Variants in FBXL20 observed in about 807,000 individuals in gnomAD.
FBXL20 encodes the protein F-box and leucine rich repeat protein 20, also known as F-box/LRR-repeat protein 20.
FBXL20 carries 11 observed loss-of-function variants against 64.0 expected under a neutral mutation model. The ratio of observed to expected loss-of-function variants is 0.17; its 90% CI spans 0.11 to 0.28. FBXL20 has a LOEUF of 0.28. Ranked by LOEUF, FBXL20 falls within the 10% of genes least tolerant of loss-of-function variation. FBXL20 has a pLI of 1.00. For missense variants in FBXL20, 303 were observed against 526.2 expected, an observed-to-expected ratio of 0.58 and a Z score of 4.15; for synonymous variants, 184 against 189.0, an observed-to-expected ratio of 0.97 and a Z score of 0.22.
At chr17:39,337,552 C>G (rs1356952309) in intron 2 of FBXL20, among the ~76,000 whole-genome samples, 1 of 151,754 alleles carries the variant, frequency 6.6e-6, no homozygotes, top group African/African-American at 2.4e-5. Context: ...GCGCCTCTGC[C>G]CCGCCGCCCC....
At chr17:39,397,203 G>C (rs2048192754) in intron 1 of FBXL20, among the ~76,000 whole-genome samples, 1 of 152,048 alleles carries the variant, frequency 6.6e-6, no homozygotes, top group Non-Finnish European at 1.5e-5. Flanking sequence ...ACCATGCCCA[G>C]CCAGATTTTT....
intron 1 of FBXL20, among the ~76,000 whole-genome samples, chr17:39,352,871 A>C (rs1597814540): frequency 1.3e-5 from 2 of 152,174 alleles, no homozygotes; most frequent in African/African-American, 4.8e-5. Context: ...TGTGGAAAGA[A>C]GACTATTTCT....
At chr17:39,321,210 T>C (rs1429490058) in intron 2 of FBXL20, among the ~76,000 whole-genome samples, 7 of 152,138 alleles carry the variant, frequency 4.6e-5, no homozygotes, top group Admixed American at 3.9e-4. Context: ...TCCCAGCACT[T>C]TGGGAGGCCA....
At chr17:39,268,802 T>A in intron 12 of FBXL20, 25 bp downstream of exon 12, 1 of 1,600,806 alleles carries the variant, frequency 6.2e-7, no homozygotes, top group East Asian at 2.2e-5. Context: ...ATACTGTATT[T>A]CTGAATTAAA....
intron 2 of FBXL20, among the ~76,000 whole-genome samples, chr17:39,311,176 CA>C (rs1009456786): frequency 1.3e-5 from 2 of 151,794 alleles, no homozygotes; most frequent in Non-Finnish European, 2.9e-5. Context: ...AAAAAACAAA[CA>C]AAAAAACAAA....
In FBXL20 at chr17:39,254,411, G is replaced by A. The variant is rs1186239124; in HGVS notation, c.*7049C>T. The A allele has an allele frequency of 6.6e-6, 1 of 152,374 alleles. No homozygotes were observed. Among genetic ancestry groups the A allele is most frequent in the East Asian group, 1.9e-4 (1 of 5,330 alleles). The allele number at this position is 152,374 out of a possible 1,614,324, so 9.4% of individuals were successfully genotyped here. On this transcript the variant is annotated 3_prime_UTR_variant, in exon 15 of 15. Coordinates refer to ENST00000264658, the MANE Select transcript of FBXL20 (RefSeq NM_032875.3). ...CTTCAAAGATGATCCTTGGTTCTTGGGGCATGACAGAAGAGAAAAGGTAAA... is the reference window on the plus strand; with the variant it reads ...CTTCAAAGATGATCCTTGGTTCTTGAGGCATGACAGAAGAGAAAAGGTAAA...
intron 14 of FBXL20, among the ~76,000 whole-genome samples, chr17:39,262,269 C>T (rs1437234912): frequency 6.6e-6 from 1 of 151,980 alleles, no homozygotes; most frequent in Non-Finnish European, 1.5e-5. Flanking sequence ...ATGTGGCCAA[C>T]GTGGATTTTT....
intron 1 of FBXL20, among the ~76,000 whole-genome samples, chr17:39,344,218 G>A (rs1428952150): frequency 2.0e-5 from 3 of 151,942 alleles, no homozygotes; most frequent in Non-Finnish European, 2.9e-5. Flanking sequence ...AGGCGTGGTG[G>A]TGTGCGTCTG....
chr17:39,399,450 G>A (rs2048219301), intron 1 of FBXL20, among the ~76,000 whole-genome samples: 1 of 152,194 alleles, frequency 6.6e-6, no homozygotes, highest in African/African-American at 2.4e-5. Flanking sequence ...GGTCAATAAA[G>A]AGGTAAATGG....
chr17:39,396,596 CAAAAA>C (rs35394824), intron 1 of FBXL20, among the ~76,000 whole-genome samples: 1 of 103,202 alleles, frequency 9.7e-6, no homozygotes. Flanking sequence ...AACTCCGTCT[CAAAAA>C]AAAAAAAAAA....
At chr17:39,317,115 A>G (rs547924632) in intron 2 of FBXL20, among the ~76,000 whole-genome samples, 4 of 152,238 alleles carry the variant, frequency 2.6e-5, no homozygotes, top group Non-Finnish European at 5.9e-5. Context: ...AATGTCCAAT[A>G]TATGAATTGA....
chr17:39,349,149 G>A (rs987310072), intron 1 of FBXL20, among the ~76,000 whole-genome samples: 1 of 151,852 alleles, frequency 6.6e-6, no homozygotes, highest in African/African-American at 2.4e-5. Flanking sequence ...CTACTTGGGA[G>A]GCTGAAGCAG....
rs564533302 is a variant in FBXL20, at chr17:39,321,398, G to C, written c.105-17759C>G. ...AACCTGGGAGTTGAACCCAGGAGTT[G>C]GAGGTTGCAGTGAGCCAAGATTGCA... On this transcript the variant is annotated intron_variant, in intron 2 of 14. Coordinates refer to ENST00000264658, the MANE Select transcript of FBXL20 (RefSeq NM_032875.3). 9.3e-5 allele frequency among the ~76,000 whole-genome samples: 14 copies of C among 151,312 alleles called. No individual in the cohort carries two copies. In the South Asian group the frequency reaches 2.9e-3, roughly 32 times the overall value.
intron 2 of FBXL20, among the ~76,000 whole-genome samples, chr17:39,338,553 TAAACGAAAA>T (rs2047551639): frequency 6.6e-6 from 1 of 151,634 alleles, no homozygotes; most frequent in Non-Finnish European, 1.5e-5. Flanking sequence ...ATAATAATAA[TAAACGAAAA>T]AAGTCACAAT....
chr17:39,260,213 T>TA lies in FBXL20; in HGVS notation c.*1246dup, dbSNP rs1184641647. On this transcript the variant is annotated 3_prime_UTR_variant, in exon 15 of 15. Transcript: ENST00000264658. ...ACAGCTCCTCTAGTGGCATTCCTGT[T>TA]AAAACAACCTCATAGGTCAGAGATG... 2.0e-5 allele frequency: 3 copies of TA among 152,200 alleles called. No individual in the cohort carries two copies. Among genetic ancestry groups the TA allele is most frequent in the Non-Finnish European group, 4.4e-5 (3 of 68,040 alleles). The allele number at this position is 152,200 out of a possible 1,614,324, so 9.4% of individuals were successfully genotyped here.
chr17:39,302,604 A>T (rs1250179033), intron 3 of FBXL20, among the ~76,000 whole-genome samples: 1 of 151,928 alleles, frequency 6.6e-6, no homozygotes, highest in African/African-American at 2.4e-5. Flanking sequence ...CTATCTCCCA[A>T]CCTCATGATC....
chr17:39,373,007 C>CT (rs796497307), intron 1 of FBXL20, among the ~76,000 whole-genome samples: 1,468 of 145,626 alleles, frequency 0.01, 18 homozygotes, highest in African/African-American at 0.033. Flanking sequence ...TTTTTCTTTT[C>CT]TTTTTTTTTT....
intron 1 of FBXL20, among the ~76,000 whole-genome samples, chr17:39,362,374 A>G (rs2047805171): frequency 6.6e-6 from 1 of 152,140 alleles, no homozygotes; most frequent in African/African-American, 2.4e-5. Context: ...CTGAGGTACG[A>G]GGACTGCCTA....
At chr17:39,381,693 A>C (rs2048024686) in intron 1 of FBXL20, among the ~76,000 whole-genome samples, 1 of 148,960 alleles carries the variant, frequency 6.7e-6, no homozygotes, top group African/African-American at 2.5e-5. Flanking sequence ...CAGGGGGCTG[A>C]GGTGGGAAGA....
Sources: allele counts gnomAD v4.1 joint callset (sites outside exome capture counted in the v4.1 genomes callset), GRCh38; gene constraint gnomAD v4.1.1; transcripts MANE v1.5; gene names NCBI Gene and HGNC (gene_info 2026-07-23, HGNC 2026-07-21).